The following OPA3 variants were observed in gnomAD, a reference collection of about 807,000 sequenced individuals.
OPA3 encodes optic atrophy 3 protein.
A neutral mutation model predicts 4.0 loss-of-function variants in OPA3; 6 were observed. The observed-to-expected ratio is 1.51, with a 90% CI of 0.83 to 2.99. OPA3 has a LOEUF of 2.99. Ranked by LOEUF, OPA3 falls within the 30% of genes most tolerant of loss-of-function variation. The probability of loss-of-function intolerance (pLI) is 0.00; values close to 1 mark genes in which losing one functional copy is unlikely to be tolerated. For synonymous variants in OPA3, 105 were observed against 117.1 expected (o/e 0.90, Z 0.67); for missense variants, 235 against 256.2 (o/e 0.92, Z 0.56).
At chr19:45,568,521 AGT>A (rs1182919105) in intron 1 of OPA3, among the ~76,000 whole-genome samples, 1 of 152,102 alleles carries the variant, frequency 6.6e-6, no homozygotes, top group African/African-American at 2.4e-5. Context: ...TTGCCCTAAC[AGT>A]GCTCCAAGTA....
intron 1 of OPA3, among the ~76,000 whole-genome samples, chr19:45,577,760 C>T (rs1307848215): frequency 1.3e-5 from 2 of 152,114 alleles, no homozygotes; most frequent in African/African-American, 4.8e-5. Flanking sequence ...CCTTAGGAGG[C>T]ACCTCGAGTC....
intron 1 of OPA3, among the ~76,000 whole-genome samples, chr19:45,567,883 G>A (rs533496680): frequency 6.6e-6 from 1 of 152,270 alleles, no homozygotes; most frequent in South Asian, 2.1e-4. Flanking sequence ...TTAAATAAAA[G>A]CTGTTATTAT....
chr19:45,529,124 C>T (rs758510921), exon 2 of OPA3: 3 of 1,607,132 alleles, frequency 1.9e-6, no homozygotes, highest in Admixed American at 1.7e-5. Context: ...TGGGCTCGCA[C>T]CTCCTGCAGC....
chr19:45,563,853 C>CT (rs772674145), intron 1 of OPA3, among the ~76,000 whole-genome samples: 234 of 141,322 alleles, frequency 1.7e-3, no homozygotes, highest in East Asian at 5.8e-3. Flanking sequence ...CGCGCCCGGC[C>CT]TTTTTTTTTT....
At chr19:45,576,536 C>T (rs1008433303) in intron 1 of OPA3, among the ~76,000 whole-genome samples, 1 of 27,728 alleles carries the variant, frequency 3.6e-5, no homozygotes, top group African/African-American at 7.5e-5. Flanking sequence ...GAAACTCCAT[C>T]CCCCCCCCCC....
In OPA3 at chr19:45,553,508, A is replaced by C. The variant is rs1325751211; in HGVS notation, c.*6T>G. On this transcript the variant is annotated 3_prime_UTR_variant, in exon 2 of 2. Transcript: ENST00000263275. The stretch of plus-strand genomic sequence containing the variant: ...TGTCCAAATTCAGGTTCCATCCAGC[A>C]AGCTCCTATTTCTTGGACGCAGGCA... The C allele has an allele frequency of 6.2e-7, 1 of 1,612,956 alleles. No homozygotes were observed. Among genetic ancestry groups the C allele is most frequent in the East Asian group, 2.2e-5 (1 of 44,876 alleles).
intron 1 of OPA3, among the ~76,000 whole-genome samples, chr19:45,567,153 A>C (rs1222322506): frequency 3.3e-5 from 5 of 151,984 alleles, no homozygotes; most frequent in Non-Finnish European, 7.4e-5. Context: ...CACTATCGGC[A>C]ACTTAGTGAG....
At chr19:45,530,603 A>G (rs1969049086) in intron 1 of OPA3, among the ~76,000 whole-genome samples, 1 of 151,796 alleles carries the variant, frequency 6.6e-6, no homozygotes, top group Non-Finnish European at 1.5e-5. Flanking sequence ...TCCACCTCCC[A>G]GGTTCAAGTG....
rs761112615 is a variant in OPA3 at position 45,584,612 on chromosome 19, G to A, written c.142+11C>T. On this transcript the variant is annotated intron_variant, in intron 1 of 1. Transcript: ENST00000263275. The stretch of plus-strand genomic sequence containing the variant: ...AGGAAAAAGGTTGGAGGGAATTCGG[G>A]TCAGACTCACGTTGAGCCGGCGGGA... 7 of 1,614,210 alleles carry A rather than the reference G, an allele frequency of 4.3e-6. No homozygotes were observed. In the South Asian group the frequency reaches 5.5e-5, roughly 13 times the overall value.
chr19:45,537,396 C>CAAAAAAAAAAA (rs1181396046), intron 1 of OPA3, among the ~76,000 whole-genome samples: 17 of 28,912 alleles, frequency 5.9e-4, no homozygotes, highest in East Asian at 1.6e-3. Flanking sequence ...GACTCTGTCT[C>CAAAAAAAAAAA]AAAAAAAAAA....
At chr19:45,536,224 T>A in intron 1 of OPA3, among the ~76,000 whole-genome samples, 1 of 98,566 alleles carries the variant, frequency 1.0e-5, no homozygotes. Context: ...CAAGACTCTA[T>A]CTCAAAAAAA....
chr19:45,552,206 G>A lies in OPA3; in HGVS notation c.*1308C>T. On this transcript the variant is annotated 3_prime_UTR_variant, in exon 2 of 2. Coordinates refer to ENST00000263275, the MANE Select transcript of OPA3 (RefSeq NM_025136.4). ...GATTCCAGGGATTGACTGCAGGCCAGGACCTTTTGTGGGTTTTTTTAAGAT... is the reference window on the plus strand; with the variant it reads ...GATTCCAGGGATTGACTGCAGGCCAAGACCTTTTGTGGGTTTTTTTAAGAT... 2 of 970,630 alleles carry A rather than the reference G, an allele frequency of 2.1e-6. No homozygotes were observed. Among genetic ancestry groups the A allele is most frequent in the South Asian group, 4.8e-5 (1 of 20,674 alleles). The allele number at this position is 970,630 out of a possible 1,614,324, so 60.1% of individuals were successfully genotyped here.
chr19:45,530,615 T>C (rs1199600839), intron 1 of OPA3, among the ~76,000 whole-genome samples: 1 of 151,996 alleles, frequency 6.6e-6, no homozygotes, highest in African/African-American at 2.4e-5. Flanking sequence ...GTTCAAGTGA[T>C]TTCCAACTAA....
At chr19:45,534,813 A>G (rs1408870064) in intron 1 of OPA3, among the ~76,000 whole-genome samples, 1 of 151,708 alleles carries the variant, frequency 6.6e-6, no homozygotes, top group Non-Finnish European at 1.5e-5. Context: ...TTGTATTTTT[A>G]GTAGAGACGG....
In OPA3 at chr19:45,549,980, A is replaced by G. The variant is rs1969307986; in HGVS notation, c.*3534T>C. The G allele has an allele frequency of 4.5e-6, 3 of 672,370 alleles. No homozygotes were observed. Among genetic ancestry groups the G allele is most frequent in the Non-Finnish European group, 5.5e-6 (3 of 543,832 alleles). 41.7% of individuals were successfully genotyped at this position (672,370 alleles called of 1,614,324 possible). A position where few individuals can be genotyped will look rare whatever the true frequency, so the allele number is the denominator to read the frequency against. ...CAAGATCAGCCTGGGCAACTTGGAG[A>G]AACCCCGTCTCCACTAAAATACAAA... On this transcript the variant is annotated 3_prime_UTR_variant, in exon 2 of 2. Transcript: ENST00000263275.
chr19:45,545,164 CAAAAA>C (rs779193252), downstream of OPA3, among the ~76,000 whole-genome samples: 26 of 40,812 alleles, frequency 6.4e-4, 1 homozygote, highest in Non-Finnish European at 1.2e-3. Context: ...GACACCGTCT[CAAAAA>C]AAAAAAAAAC....
rs1431601211 is a variant in OPA3, at chr19:45,548,221, A to G, written c.*5293T>C. 1 of 985,680 alleles carries G rather than the reference A, an allele frequency of 1.0e-6. No homozygotes were observed. The highest frequency in any genetic ancestry group is 1.1e-4 in the East Asian group (1 of 8,826). 61.1% of individuals were successfully genotyped at this position (985,680 alleles called of 1,614,324 possible). On this transcript the variant is annotated 3_prime_UTR_variant, in exon 2 of 2. Coordinates refer to ENST00000263275, the MANE Select transcript of OPA3 (RefSeq NM_025136.4). The stretch of plus-strand genomic sequence containing the variant: ...CCTGCCACTCAGCAACACAGCGACC[A>G]GCCCAGGAGTAGCTCCGTGAGCCAA...
chr19:45,565,103 A>G (rs8112944), intron 1 of OPA3, among the ~76,000 whole-genome samples: 63,267 of 150,870 alleles, frequency 0.42, 14,755 homozygotes, highest in African/African-American at 0.62. Flanking sequence ...GCGTGGTGGC[A>G]CACGCCTGTG....
exon 2 of OPA3, chr19:45,528,824 C>G (rs918200275): frequency 1.3e-5 from 7 of 522,796 alleles, no homozygotes; most frequent in East Asian, 9.5e-5. Flanking sequence ...AGGGCGGGGT[C>G]CTTCTTGGAA....
Sources: allele counts gnomAD v4.1 joint callset (sites outside exome capture counted in the v4.1 genomes callset), GRCh38; gene constraint gnomAD v4.1.1; transcripts MANE v1.5; gene names NCBI Gene and HGNC (gene_info 2026-07-23, HGNC 2026-07-21).